DRD3: variants seen among roughly 807,000 people sequenced by gnomAD.
DRD3 encodes D(3) dopamine receptor.
DRD3 carries 19 observed loss-of-function variants against 36.3 expected under a neutral mutation model. The ratio of observed to expected loss-of-function variants is 0.52; its 90% CI spans 0.36 to 0.77. The LOEUF is 0.77. DRD3 is among the 30% of genes least tolerant of loss of function. The pLI is 0.00. For missense variants in DRD3, 465 were observed against 505.3 expected, an observed-to-expected ratio of 0.92 and a Z score of 0.77; for synonymous variants, 195 against 203.7, an observed-to-expected ratio of 0.96 and a Z score of 0.36.
intron 1 of DRD3, among the ~76,000 whole-genome samples, chr3:114,192,631 C>T (rs1238819575): frequency 6.6e-6 from 1 of 152,182 alleles, no homozygotes; most frequent in African/African-American, 2.4e-5. Flanking sequence ...ACAACAATTA[C>T]CTCTCCCAGA....
chr3:114,134,258 T>C (rs750313937), intron 5 of DRD3, among the ~76,000 whole-genome samples: 3 of 152,104 alleles, frequency 2.0e-5, no homozygotes, highest in Non-Finnish European at 2.9e-5. Flanking sequence ...TTTAGTGTTA[T>C]TTATTTATTT....
chr3:114,151,941 C>T (rs1313650918), intron 3 of DRD3, among the ~76,000 whole-genome samples: 2 of 152,236 alleles, frequency 1.3e-5, no homozygotes, highest in Non-Finnish European at 2.9e-5. Flanking sequence ...TTCCTCAATT[C>T]GCTCGATTCT....
Position 114,140,849 on chromosome 3 carries a change from G to A in DRD3, c.527-1153C>T, listed in dbSNP as rs1480025291. ...TGGGGATTCTCCAACCTCAAAGTTG[G>A]CCTTGGAAGATGAAGCCTCAGGTGT... On this transcript the variant is annotated intron_variant, in intron 4 of 6. Transcript: ENST00000383673. 2.0e-5 allele frequency among the ~76,000 whole-genome samples: 3 copies of A among 152,146 alleles called. No homozygotes were observed. The East Asian group carries it at 5.8e-4, about 29-fold the overall frequency.
chr3:114,167,746 T>C (rs2077799686), intron 2 of DRD3, among the ~76,000 whole-genome samples: 1 of 152,250 alleles, frequency 6.6e-6, no homozygotes, highest in Non-Finnish European at 1.5e-5. Context: ...TGTGAATCTA[T>C]GAGATCGCTG....
chr3:114,176,550 A>G (rs2077901083), intron 1 of DRD3, among the ~76,000 whole-genome samples: 1 of 152,150 alleles, frequency 6.6e-6, no homozygotes, highest in Admixed American at 6.5e-5. Flanking sequence ...GGCTGCAGTG[A>G]ACTATAATTG....
At chr3:114,142,177 G>A (rs920864531) in intron 4 of DRD3, among the ~76,000 whole-genome samples, 6 of 152,088 alleles carry the variant, frequency 3.9e-5, no homozygotes, top group Non-Finnish European at 5.9e-5. Context: ...GTGGCAGTGC[G>A]TGGTCTTTCA....
chr3:114,189,200 G>A (rs553584667), intron 1 of DRD3, among the ~76,000 whole-genome samples: 7 of 151,976 alleles, frequency 4.6e-5, no homozygotes, highest in Non-Finnish European at 5.9e-5. Flanking sequence ...AGCCTATATC[G>A]TTTGATCCTT....
At chr3:114,149,573 G>T (rs553290920) in intron 3 of DRD3, among the ~76,000 whole-genome samples, 6 of 152,204 alleles carry the variant, frequency 3.9e-5, no homozygotes, top group African/African-American at 1.4e-4. Flanking sequence ...GGCTGAACCT[G>T]TGACTATAAT....
intron 3 of DRD3, among the ~76,000 whole-genome samples, chr3:114,156,767 C>CTTTCTTTCTT (rs2077677122): frequency 4.0e-5 from 4 of 98,886 alleles, no homozygotes; most frequent in African/African-American, 1.5e-4. Flanking sequence ...TTCTTTCTTT[C>CTTTCTTTCTT]TTTCTTTCTT....
chr3:114,175,045 A>G (rs186249052), intron 1 of DRD3, among the ~76,000 whole-genome samples: 1 of 152,298 alleles, frequency 6.6e-6, no homozygotes, highest in Admixed American at 6.5e-5. Flanking sequence ...GGGCTGAATA[A>G]TTCTTTGTTG....
At chr3:114,173,810 T>C (rs867622206) in intron 1 of DRD3, among the ~76,000 whole-genome samples, 10 of 152,230 alleles carry the variant, frequency 6.6e-5, no homozygotes, top group African/African-American at 2.4e-4. Context: ...TTAAGCATGG[T>C]ACATATAGAC....
intron 1 of DRD3, among the ~76,000 whole-genome samples, chr3:114,186,669 G>A (rs568347168): frequency 6.6e-6 from 1 of 152,336 alleles, no homozygotes; most frequent in South Asian, 2.1e-4. Flanking sequence ...TGGAGAATGA[G>A]TAATTGCTAT....
intron 1 of DRD3, among the ~76,000 whole-genome samples, chr3:114,188,594 G>A (rs564131590): frequency 3.3e-5 from 5 of 152,260 alleles, no homozygotes; most frequent in Admixed American, 2.6e-4. Flanking sequence ...CCAGCTACAC[G>A]TATTCATATT....
intron 1 of DRD3, among the ~76,000 whole-genome samples, chr3:114,188,650 T>C (rs2077988633): frequency 6.6e-6 from 1 of 152,222 alleles, no homozygotes; most frequent in Non-Finnish European, 1.5e-5. Flanking sequence ...GTTTTTAACA[T>C]TAAGGGAGTT....
At chr3:114,136,699 A>G (rs1476436084) in intron 5 of DRD3, among the ~76,000 whole-genome samples, 1 of 152,212 alleles carries the variant, frequency 6.6e-6, no homozygotes, top group Non-Finnish European at 1.5e-5. Flanking sequence ...GACCTTAATT[A>G]TTACAAATTT....
In DRD3 at chr3:114,147,411, T is replaced by G; in HGVS notation, c.526+4A>C. On this transcript the variant is annotated splice_donor_region_variant and intron_variant, in intron 4 of 6. Coordinates refer to ENST00000383673, the MANE Select transcript of DRD3 (RefSeq NM_000796.6). ...GATGCTAGAAATGAAGCCATCACTG[T>G]TACCTGTGGTATTAAAGCCAAACAG... is the stretch of plus-strand genomic sequence containing the variant. The G allele has an allele frequency of 6.2e-7, 1 of 1,611,468 alleles. No homozygotes were observed. The highest frequency in any genetic ancestry group is 8.5e-7 in the Non-Finnish European group (1 of 1,177,940).
At chr3:114,198,342 GC>G (rs2078047969) in intron 1 of DRD3, among the ~76,000 whole-genome samples, 1 of 151,624 alleles carries the variant, frequency 6.6e-6, no homozygotes, top group Admixed American at 6.6e-5. Flanking sequence ...TAATCCTCCC[GC>G]CTCACCTGGT....
chr3:114,159,525 G>C (rs557002744), intron 3 of DRD3, among the ~76,000 whole-genome samples: 1 of 152,192 alleles, frequency 6.6e-6, no homozygotes, highest in South Asian at 2.1e-4. Flanking sequence ...ATCCTCTTCA[G>C]GGAGCTGGAG....
chr3:114,133,021 G>T (rs1054587628), intron 5 of DRD3, among the ~76,000 whole-genome samples: 1 of 149,986 alleles, frequency 6.7e-6, no homozygotes, highest in African/African-American at 2.5e-5. Flanking sequence ...ACAGACTTTC[G>T]CTCTTGTTGC....
Sources: allele counts gnomAD v4.1 joint callset (sites outside exome capture counted in the v4.1 genomes callset), GRCh38; gene constraint gnomAD v4.1.1; transcripts MANE v1.5; gene names NCBI Gene and HGNC (gene_info 2026-07-23, HGNC 2026-07-21).